STAC: variants seen among roughly 807,000 people sequenced by gnomAD.
The protein encoded by STAC is SH3 and cysteine-rich domain-containing protein.
Under a neutral mutation model 48.8 loss-of-function variants are expected in STAC, and 43 were observed. That is an observed-to-expected ratio of 0.88 (90% CI 0.69 to 1.14). STAC has a LOEUF of 1.14. Ranked by LOEUF, STAC falls within the 50% of genes most tolerant of loss-of-function variation. The pLI is 0.00. For synonymous variants in STAC, 193 were observed against 179.5 expected, an observed-to-expected ratio of 1.07 and a Z score of -0.60; for missense variants, 497 against 504.0, an observed-to-expected ratio of 0.99 and a Z score of 0.13.
chr3:36,447,562 A>G (rs1384238956), intron 2 of STAC, among the ~76,000 whole-genome samples: 1 of 151,950 alleles, frequency 6.6e-6, no homozygotes, highest in African/African-American at 2.4e-5. Context: ...TTGTTTTCTG[A>G]CCTATTCTGA....
intron 2 of STAC, among the ~76,000 whole-genome samples, chr3:36,480,846 C>T (rs1697627374): frequency 6.6e-6 from 1 of 152,208 alleles, no homozygotes; most frequent in Non-Finnish European, 1.5e-5. Context: ...CATCAGGCAT[C>T]ATGCTCAAGA....
chr3:36,382,142 C>T (rs1042797667), intron 1 of STAC, among the ~76,000 whole-genome samples: 1 of 152,212 alleles, frequency 6.6e-6, no homozygotes, highest in African/African-American at 2.4e-5. Flanking sequence ...ACTACCTCTC[C>T]TCAGTCAAAA....
chr3:36,422,782 G>T (rs1038199306), intron 1 of STAC, among the ~76,000 whole-genome samples: 1 of 151,994 alleles, frequency 6.6e-6, no homozygotes, highest in African/African-American at 2.4e-5. Flanking sequence ...AAAATTAATT[G>T]TAACAAGCAC....
At chr3:36,507,596 C>T (rs900423111) in intron 8 of STAC, among the ~76,000 whole-genome samples, 1 of 152,072 alleles carries the variant, frequency 6.6e-6, no homozygotes, top group Non-Finnish European at 1.5e-5. Context: ...AGTTTCAGAA[C>T]TTGTTATTGG....
intron 8 of STAC, among the ~76,000 whole-genome samples, chr3:36,511,854 C>T (rs910756589): frequency 6.6e-6 from 1 of 152,192 alleles, no homozygotes; most frequent in Admixed American, 6.6e-5. Context: ...CACTGAAATG[C>T]TTCAGTTAGA....
At position 36,546,627 on chromosome 3, in the gene STAC, G is replaced by C; in HGVS notation, c.*338G>C. 2 of 344,494 alleles carry C rather than the reference G, an allele frequency of 5.8e-6. No homozygotes were observed. Among genetic ancestry groups the C allele is most frequent in the Non-Finnish European group, 1.1e-5 (2 of 185,272 alleles). The allele number at this position is 344,494 out of a possible 1,614,324, so 21.3% of individuals were successfully genotyped here. A position where few individuals can be genotyped will look rare whatever the true frequency, so the allele number is the denominator to read the frequency against. ...GTGGTGTAAGTTAACACACTGGAGT[G>C]TGCTCCAGTTTGCAGGGTAGCCCAG... On this transcript the variant is annotated 3_prime_UTR_variant, in exon 11 of 11. Coordinates refer to ENST00000273183, the MANE Select transcript of STAC (RefSeq NM_003149.3).
chr3:36,412,443 T>A lies in STAC; in HGVS notation c.112-30921T>A, dbSNP rs4678872. Among the ~76,000 whole-genome samples, 2,771 of 151,612 alleles carry A rather than the reference T, an allele frequency of 0.018. 154 individuals carry two copies. The East Asian group carries it at 0.22, about 12-fold the overall frequency. On this transcript the variant is annotated intron_variant, in intron 1 of 10. Transcript: ENST00000273183. ...CCAAGAAAAATAGAGGTTTTTTTTT[T>A]AAAGGGAAAGAGAAGTAGGAATTGG...
At chr3:36,441,020 TGTAAA>T (rs1237625792) in intron 1 of STAC, among the ~76,000 whole-genome samples, 1 of 152,258 alleles carries the variant, frequency 6.6e-6, no homozygotes, top group African/African-American at 2.4e-5. Flanking sequence ...TTGTAACACA[TGTAAA>T]GTATAGTGAT....
At chr3:36,458,231 G>T (rs1445422558) in intron 2 of STAC, among the ~76,000 whole-genome samples, 6 of 152,138 alleles carry the variant, frequency 3.9e-5, no homozygotes, top group Non-Finnish European at 8.8e-5. Flanking sequence ...CTAGGGGAGA[G>T]ATGGAATGGG....
intron 1 of STAC, among the ~76,000 whole-genome samples, chr3:36,382,168 T>C (rs1699524651): frequency 1.3e-5 from 2 of 152,212 alleles, no homozygotes; most frequent in South Asian, 2.1e-4. Flanking sequence ...CTGGGTATCA[T>C]TGCCTCCCAT....
chr3:36,484,873 A>C (rs1697759399), intron 3 of STAC, 104 bp from the exon 4 acceptor site: 2 of 755,980 alleles, frequency 2.6e-6, no homozygotes, highest in Non-Finnish European at 4.1e-6. Context: ...GGGAGACAGG[A>C]GGGTGCTCCT....
intron 1 of STAC, among the ~76,000 whole-genome samples, chr3:36,402,419 A>G (rs1378548460): frequency 1.3e-5 from 2 of 152,050 alleles, no homozygotes; most frequent in South Asian, 2.1e-4. Flanking sequence ...TCTTGTATGC[A>G]TTATTCTGTT....
intron 2 of STAC, among the ~76,000 whole-genome samples, chr3:36,472,304 ACTT>A (rs1697363513): frequency 1.3e-5 from 2 of 152,026 alleles, no homozygotes; most frequent in Admixed American, 6.5e-5. Flanking sequence ...CCACGAAACC[ACTT>A]CTTCTTCCTG....
rs188131452 is a variant in STAC, at chr3:36,486,103, T to C, written c.572-31T>C. The C allele has an allele frequency of 1.5e-4, 238 of 1,575,100 alleles. 1 individual carries two copies. The African/African-American group carries it at 2.6e-3, about 17-fold the overall frequency. On this transcript the variant is annotated intron_variant, in intron 4 of 10. Coordinates refer to ENST00000273183, the MANE Select transcript of STAC (RefSeq NM_003149.3). ...GTTGGCTGGGTCCTCTCAGATGAGC[T>C]TCCTCAGATGAACTTTCTCTTCTGT...
intron 6 of STAC, among the ~76,000 whole-genome samples, chr3:36,502,657 A>G (rs894380810): frequency 1.4e-4 from 21 of 152,294 alleles, no homozygotes; most frequent in African/African-American, 5.1e-4. Context: ...ATTTCCATTC[A>G]AATATTTAAT....
chr3:36,389,392 G>C (rs888178273), intron 1 of STAC, among the ~76,000 whole-genome samples: 2 of 152,018 alleles, frequency 1.3e-5, no homozygotes, highest in Non-Finnish European at 2.9e-5. Context: ...CTCTTTATAA[G>C]GGCACTAATC....
At chr3:36,451,977 C>T (rs1383708646) in intron 2 of STAC, among the ~76,000 whole-genome samples, 1 of 152,180 alleles carries the variant, frequency 6.6e-6, no homozygotes, top group Non-Finnish European at 1.5e-5. Context: ...TAACTCAGGG[C>T]TTTCTGCTGG....
intron 1 of STAC, among the ~76,000 whole-genome samples, chr3:36,410,658 A>G (rs9866398): frequency 0.013 from 1,956 of 152,328 alleles, 47 homozygotes; most frequent in African/African-American, 0.044. Context: ...TCTATATTAA[A>G]TAAGTACATT....
chr3:36,483,831 G>C (rs548743880), intron 3 of STAC, among the ~76,000 whole-genome samples: 2 of 152,294 alleles, frequency 1.3e-5, no homozygotes, highest in Admixed American at 1.3e-4. Context: ...TGTGCCTGTA[G>C]TTCCAGCTAC....
Sources: allele counts gnomAD v4.1 joint callset (sites outside exome capture counted in the v4.1 genomes callset), GRCh38; gene constraint gnomAD v4.1.1; transcripts MANE v1.5; gene names NCBI Gene and HGNC (gene_info 2026-07-23, HGNC 2026-07-21).